Variants in SESTD1 observed in about 807,000 individuals in gnomAD.
The protein encoded by SESTD1 is SEC14 domain and spectrin repeat-containing protein 1.
In SESTD1, 43 loss-of-function variants were observed where a neutral mutation model predicts 101.7. The ratio of observed to expected loss-of-function variants is 0.42; its 90% CI spans 0.33 to 0.55. The LOEUF is 0.55. Ranked by LOEUF, SESTD1 falls within the 20% of genes least tolerant of loss-of-function variation. The probability of loss-of-function intolerance (pLI) is 0.07; values close to 1 mark genes in which losing one functional copy is unlikely to be tolerated. For synonymous variants in SESTD1, 283 were observed against 286.8 expected (o/e 0.99, Z 0.13); for missense variants, 647 against 815.1 (o/e 0.79, Z 2.51).
chr2:179,250,529 C>T (rs965822877), intron 1 of SESTD1, among the ~76,000 whole-genome samples: 9 of 152,204 alleles, frequency 5.9e-5, no homozygotes, highest in African/African-American at 2.2e-4. Context: ...TTGGTTTCTT[C>T]TGAGGCCTCT....
intron 9 of SESTD1, among the ~76,000 whole-genome samples, chr2:179,133,151 A>G (rs1036841586): frequency 5.3e-5 from 8 of 152,074 alleles, no homozygotes; most frequent in African/African-American, 1.9e-4. Context: ...CAGCATCAGG[A>G]GTTCTTCAGC....
chr2:179,199,939 A>G (rs1177461643), intron 1 of SESTD1, among the ~76,000 whole-genome samples: 1 of 152,048 alleles, frequency 6.6e-6, no homozygotes, highest in African/African-American at 2.4e-5. Flanking sequence ...ATTAGGCAGG[A>G]GAAGGAAATA....
At chr2:179,189,590 G>A (rs953714893) in intron 2 of SESTD1, among the ~76,000 whole-genome samples, 1 of 152,004 alleles carries the variant, frequency 6.6e-6, no homozygotes, top group African/African-American at 2.4e-5. Context: ...GCAAGAAAAA[G>A]AAATAAAAGG....
chr2:179,146,380 A>G (rs1200583193), intron 8 of SESTD1, 22 bp downstream of exon 8: 1 of 1,586,934 alleles, frequency 6.3e-7, no homozygotes, highest in Non-Finnish European at 8.6e-7. Context: ...GATTATTATC[A>G]CAAATATTTT....
rs1311589009 is a variant in SESTD1 at position 179,106,568 on chromosome 2, CTAA to C, written c.*3328_*3330del. ...CATGCTCACGCTAAGGAGTACGACA[CTAA>C]TAATACCACTCCGTATGTCAGCTAA... On this transcript the variant is annotated 3_prime_UTR_variant, in exon 18 of 18. Coordinates refer to ENST00000428443, the MANE Select transcript of SESTD1 (RefSeq NM_178123.5). 13 of 152,124 alleles carry C rather than the reference CTAA, an allele frequency of 8.5e-5. No individual in the cohort carries two copies. The highest frequency in any genetic ancestry group is 1.8e-4 in the Non-Finnish European group (12 of 68,028). The allele number at this position is 152,124 out of a possible 1,614,324, so 9.4% of individuals were successfully genotyped here.
At chr2:179,155,416 T>C (rs1167536789) in intron 5 of SESTD1, among the ~76,000 whole-genome samples, 1 of 152,170 alleles carries the variant, frequency 6.6e-6, no homozygotes, top group East Asian at 1.9e-4. Context: ...AAATTGAGCA[T>C]GAATTCACAT....
At position 179,116,796 on chromosome 2, in the gene SESTD1, CAA is replaced by C; in HGVS notation, c.1525-8_1525-7del. ...TCACTTAGCCATTCTACTGCCTAAA[CAA>C]AAAGACATAACAATGAAGCTGGATT... On this transcript the variant is annotated splice_region_variant and splice_polypyrimidine_tract_variant and intron_variant, in intron 14 of 17. Coordinates refer to ENST00000428443, the MANE Select transcript of SESTD1 (RefSeq NM_178123.5). The C allele has an allele frequency of 6.2e-7, 1 of 1,611,374 alleles. No individual in the cohort carries two copies. The highest frequency in any genetic ancestry group is 8.5e-7 in the Non-Finnish European group (1 of 1,178,362).
intron 2 of SESTD1, among the ~76,000 whole-genome samples, chr2:179,189,742 A>G (rs1052738782): frequency 2.6e-5 from 4 of 152,180 alleles, no homozygotes; most frequent in African/African-American, 9.7e-5. Context: ...AAAAAAATCA[A>G]TATACAAAAA....
intron 1 of SESTD1, among the ~76,000 whole-genome samples, chr2:179,251,788 G>A (rs1022827724): frequency 4.6e-5 from 7 of 152,054 alleles, no homozygotes; most frequent in Non-Finnish European, 1.0e-4. Context: ...CCCATATGAA[G>A]ACACAGCAAG....
rs2044445888 is a variant in SESTD1, at chr2:179,108,826, T to C, written c.*1073A>G. Reference sequence around the variant, plus strand: ...AGCATTTCATGATAAATTTTATTTCTAAAGGGGTCATACAGTTCTGTTATT... The same window carrying C: ...AGCATTTCATGATAAATTTTATTTCCAAAGGGGTCATACAGTTCTGTTATT... On this transcript the variant is annotated 3_prime_UTR_variant, in exon 18 of 18. Coordinates refer to ENST00000428443, the MANE Select transcript of SESTD1 (RefSeq NM_178123.5). 1 of 152,154 alleles carries C rather than the reference T, an allele frequency of 6.6e-6. No homozygotes were observed. Among genetic ancestry groups the C allele is most frequent in the Admixed American group, 6.5e-5 (1 of 15,274 alleles). The allele number at this position is 152,154 out of a possible 1,614,324, so 9.4% of individuals were successfully genotyped here.
chr2:179,195,834 G>A lies in SESTD1; in HGVS notation c.-25-3968C>T, dbSNP rs570145821. On this transcript the variant is annotated intron_variant, in intron 1 of 17. Coordinates refer to ENST00000428443, the MANE Select transcript of SESTD1 (RefSeq NM_178123.5). ...TTATAAAGGTAAAAAGGCATTTTGG[G>A]AAAGGAAGGTTATTTAAAAAAAAAA... is the stretch of plus-strand genomic sequence containing the variant. 4.0e-5 allele frequency among the ~76,000 whole-genome samples: 6 copies of A among 150,446 alleles called. No homozygotes were observed. The East Asian group carries it at 9.7e-4, about 24-fold the overall frequency.
intron 9 of SESTD1, among the ~76,000 whole-genome samples, chr2:179,140,318 C>T (rs1347793209): frequency 5.3e-5 from 8 of 151,960 alleles, no homozygotes; most frequent in Non-Finnish European, 1.0e-4. Context: ...GGTAATTAAC[C>T]TAAAATAAGG....
intron 2 of SESTD1, among the ~76,000 whole-genome samples, chr2:179,185,434 T>C (rs1364288954): frequency 6.9e-6 from 1 of 144,616 alleles, no homozygotes; most frequent in Non-Finnish European, 1.5e-5. Flanking sequence ...ATATTCTATA[T>C]TGTATAATAG....
chr2:179,241,893 G>C (rs184616882), intron 1 of SESTD1, among the ~76,000 whole-genome samples: 5 of 149,428 alleles, frequency 3.3e-5, no homozygotes, highest in Non-Finnish European at 5.9e-5. Flanking sequence ...TTGCACTCCA[G>C]CCTGGGTGAA....
At chr2:179,231,118 A>G (rs1024022369) in intron 1 of SESTD1, among the ~76,000 whole-genome samples, 8 of 152,180 alleles carry the variant, frequency 5.3e-5, no homozygotes, top group African/African-American at 1.9e-4. Flanking sequence ...AATTTTTAAT[A>G]TGCAGGAACT....
intron 1 of SESTD1, among the ~76,000 whole-genome samples, chr2:179,224,914 T>C (rs1214619960): frequency 1.3e-5 from 2 of 152,178 alleles, no homozygotes; most frequent in South Asian, 2.1e-4. Flanking sequence ...CTGTAATAAA[T>C]GGGTAAATGT....
chr2:179,231,695 T>C (rs1445449452), intron 1 of SESTD1, among the ~76,000 whole-genome samples: 4 of 126,802 alleles, frequency 3.2e-5, no homozygotes, highest in Non-Finnish European at 6.8e-5. Flanking sequence ...AGAGATAACC[T>C]AAAACAGTAT....
chr2:179,187,268 T>A (rs936395272), intron 2 of SESTD1, among the ~76,000 whole-genome samples: 12 of 152,130 alleles, frequency 7.9e-5, no homozygotes, highest in African/African-American at 2.9e-4. Flanking sequence ...ATATCAATAT[T>A]AGCCTTGAAT....
intron 4 of SESTD1, among the ~76,000 whole-genome samples, chr2:179,173,607 A>G (rs1214151466): frequency 6.6e-6 from 1 of 152,240 alleles, no homozygotes; most frequent in Admixed American, 6.5e-5. Context: ...AACAGAGTTA[A>G]AAAGTCATTG....
Sources: gnomAD v4.1 joint callset for allele counts (sites outside exome capture counted in the v4.1 genomes callset) on GRCh38, gnomAD v4.1.1 for gene constraint, MANE v1.5 for transcripts, NCBI Gene and HGNC (gene_info 2026-07-23, HGNC 2026-07-21) for gene names.